TDRD5: variants seen among roughly 807,000 people sequenced by gnomAD.
The protein encoded by TDRD5 is tudor domain-containing protein 5.
TDRD5 carries 41 observed loss-of-function variants against 120.6 expected under a neutral mutation model. The observed-to-expected ratio is 0.34, with a 90% confidence interval of 0.26 to 0.44. The LOEUF is 0.44. Ranked by LOEUF, TDRD5 falls within the 20% of genes least tolerant of loss-of-function variation. The pLI is 1.00. For synonymous variants in TDRD5, 430 were observed against 433.7 expected, an observed-to-expected ratio of 0.99 and a Z score of 0.11; for missense variants, 1,006 against 1,221.2, an observed-to-expected ratio of 0.82 and a Z score of 2.63.
chr1:179,639,757 C>T (rs1433273234), intron 9 of TDRD5, 82 bp from the exon 10 acceptor site: 3 of 1,465,330 alleles, frequency 2.0e-6, no homozygotes, highest in Admixed American at 4.2e-5. Flanking sequence ...TTTGCCAAGA[C>T]TTTCTGGCTT....
At chr1:179,629,594 C>T (rs1677323594) in intron 6 of TDRD5, among the ~76,000 whole-genome samples, 1 of 152,062 alleles carries the variant, frequency 6.6e-6, no homozygotes, top group African/African-American at 2.4e-5. Flanking sequence ...ATAAATGCAA[C>T]ATATTTATTG....
chr1:179,625,333 C>A (rs1381384404), intron 6 of TDRD5, among the ~76,000 whole-genome samples: 1 of 152,006 alleles, frequency 6.6e-6, no homozygotes, highest in Non-Finnish European at 1.5e-5. Context: ...GAGACTTCAT[C>A]AAAATTAGCT....
intron 9 of TDRD5, among the ~76,000 whole-genome samples, chr1:179,639,230 A>T (rs987370915): frequency 1.2e-4 from 19 of 152,322 alleles, no homozygotes; most frequent in African/African-American, 4.3e-4. Context: ...TATCATCCCC[A>T]TCCTAAACAA....
At position 179,593,733 on chromosome 1, in the gene TDRD5, A is replaced by G. The variant is rs1395423053; in HGVS notation, c.506A>G (p.Gln169Arg). The G allele has an allele frequency of 6.2e-7, 1 of 1,614,238 alleles. No homozygotes were observed. The highest frequency in any genetic ancestry group is 1.7e-5 in the Admixed American group (1 of 60,024). The change falls in exon 3 of 18, where the codon CAA becomes CGA. Residue 169 changes from glutamine to arginine, a missense_variant. Gln to Arg is a conservative substitution (Grantham distance 43). Coordinates refer to ENST00000444136, the MANE Select transcript of TDRD5 (RefSeq NM_001199085.3). Reference sequence around the variant, plus strand: ...TTTGGACGATCATTCCAATACATGCAATATGGATTTCTCTCTATGTTTGAA... The same window carrying G: ...TTTGGACGATCATTCCAATACATGCGATATGGATTTCTCTCTATGTTTGAA... Reference protein sequence around the residue: ...KRFGRSFQYMQYGFLSMFEVL... With the variant: ...KRFGRSFQYMRYGFLSMFEVL...
chr1:179,687,226 G>T (rs150378917), intron 17 of TDRD5, among the ~76,000 whole-genome samples: 7,175 of 152,298 alleles, frequency 0.047, 258 homozygotes, highest in Non-Finnish European at 0.069. Context: ...GTGTCCCAGA[G>T]ATTCTGGTAT....
At chr1:179,654,600 A>G (rs1021532241) in intron 14 of TDRD5, among the ~76,000 whole-genome samples, 4 of 152,120 alleles carry the variant, frequency 2.6e-5, no homozygotes, top group African/African-American at 7.2e-5. Context: ...CCTTGTCTCT[A>G]CAAAATGTAC....
chr1:179,641,062 G>A (rs898107568), intron 11 of TDRD5, among the ~76,000 whole-genome samples: 1 of 152,072 alleles, frequency 6.6e-6, no homozygotes, highest in African/African-American at 2.4e-5. Context: ...TTTCATGTAT[G>A]TAGGTGCATT....
chr1:179,639,820 G>C lies in TDRD5; in HGVS notation c.1521-19G>C. ...TTTTTCTTCCCCTATGGATTTCTCT[G>C]TATTATGGAATTCCACAGGCGCTGT... On this transcript the variant is annotated intron_variant, in intron 9 of 17. Transcript: ENST00000444136. 6.2e-7 allele frequency: 1 copy of C among 1,612,248 alleles called. No homozygotes were observed. The highest frequency in any genetic ancestry group is 8.5e-7 in the Non-Finnish European group (1 of 1,178,922).
intron 17 of TDRD5, among the ~76,000 whole-genome samples, chr1:179,677,074 A>G (rs1452958412): frequency 6.6e-6 from 1 of 151,972 alleles, no homozygotes; most frequent in Non-Finnish European, 1.5e-5. Context: ...TGTTTGATGG[A>G]TCAGGTTAAT....
chr1:179,628,444 A>T (rs916470812), intron 6 of TDRD5, among the ~76,000 whole-genome samples: 12 of 145,430 alleles, frequency 8.3e-5, no homozygotes, highest in African/African-American at 2.8e-4. Context: ...GATTACAGGC[A>T]CATGCTACCA....
intron 14 of TDRD5, among the ~76,000 whole-genome samples, chr1:179,655,931 A>G (rs1678983544): frequency 6.6e-6 from 1 of 152,214 alleles, no homozygotes; most frequent in African/African-American, 2.4e-5. Flanking sequence ...ATTCATGTAC[A>G]GGTTTTTGTG....
intron 17 of TDRD5, 120 bp from the exon 18 acceptor site, chr1:179,690,575 AT>A (rs1681090428): frequency 2.2e-6 from 3 of 1,373,310 alleles, no homozygotes; most frequent in Non-Finnish European, 2.0e-6. Context: ...GCCATTGGTA[AT>A]TGTCGCTACC....
chr1:179,616,072 G>A (rs1676550669), intron 4 of TDRD5, among the ~76,000 whole-genome samples: 1 of 151,862 alleles, frequency 6.6e-6, no homozygotes, highest in Non-Finnish European at 1.5e-5. Context: ...TTTTCCCACA[G>A]CCATTTAAAA....
rs1181851588 is a variant in TDRD5 at position 179,591,883 on chromosome 1, GC to G, written c.-252del. On this transcript the variant is annotated 5_prime_UTR_variant, in exon 1 of 18. Coordinates refer to ENST00000444136, the MANE Select transcript of TDRD5 (RefSeq NM_001199085.3). ...ACCTTCCTGCGCCGATTCGGAGAGG[GC>G]CCCCTAATCTCTACTCGGCCCGCAC... The G allele has an allele frequency of 6.6e-6, 1 of 152,334 alleles. No homozygotes were observed. Among genetic ancestry groups the G allele is most frequent in the Admixed American group, 6.5e-5 (1 of 15,292 alleles). The allele number at this position is 152,334 out of a possible 1,614,324, so 9.4% of individuals were successfully genotyped here.
chr1:179,640,658 T>C (rs959797038), intron 11 of TDRD5, among the ~76,000 whole-genome samples: 11 of 152,242 alleles, frequency 7.2e-5, no homozygotes, highest in African/African-American at 2.6e-4. Flanking sequence ...ATGGTAGAGG[T>C]GCAAAAGGAA....
intron 9 of TDRD5, among the ~76,000 whole-genome samples, chr1:179,639,024 A>G (rs1054508316): frequency 1.3e-5 from 2 of 152,228 alleles, no homozygotes; most frequent in South Asian, 4.1e-4. Context: ...AGTTGGAAAT[A>G]TTCGAGTTTT....
Position 179,593,352 on chromosome 1 carries a change from G to A in TDRD5, c.233-108G>A, listed in dbSNP as rs921501147. The A allele has an allele frequency of 6.5e-6, 8 of 1,231,672 alleles. No homozygotes were observed. The African/African-American group carries it at 9.2e-5, about 14-fold the overall frequency. 76.3% of individuals were successfully genotyped at this position (1,231,672 alleles called of 1,614,324 possible). ...AGAGTTACTGTTTATCGTGCTGCCTGGATAAACAGCTCCTTGGAGAGTTAA... is the reference window on the plus strand; with the variant it reads ...AGAGTTACTGTTTATCGTGCTGCCTAGATAAACAGCTCCTTGGAGAGTTAA... On this transcript the variant is annotated intron_variant, in intron 2 of 17. Transcript: ENST00000444136.
chr1:179,627,334 A>C (rs1677185125), intron 6 of TDRD5, among the ~76,000 whole-genome samples: 1 of 152,212 alleles, frequency 6.6e-6, no homozygotes, highest in South Asian at 2.1e-4. Context: ...TATACAACTA[A>C]GATCAAATGA....
At chr1:179,633,232 T>C (rs1361197950) in intron 7 of TDRD5, among the ~76,000 whole-genome samples, 1 of 152,184 alleles carries the variant, frequency 6.6e-6, no homozygotes, top group Admixed American at 6.5e-5. Context: ...TGATGGACAT[T>C]AGGATTGTTC....
Sources: gnomAD v4.1 joint callset for allele counts (sites outside exome capture counted in the v4.1 genomes callset) on GRCh38, gnomAD v4.1.1 for gene constraint, MANE v1.5 for transcripts, NCBI Gene and HGNC (gene_info 2026-07-23, HGNC 2026-07-21) for gene names.